Variants in PIEZO2 observed in about 807,000 individuals in gnomAD.
PIEZO2 encodes piezo type mechanosensitive ion channel component 2.
In PIEZO2, 172 loss-of-function variants were observed where a neutral mutation model predicts 337.3. The ratio of observed to expected loss-of-function variants is 0.51; its 90% CI spans 0.45 to 0.58. The LOEUF (loss-of-function observed/expected upper bound fraction) is 0.58. PIEZO2 is among the 20% of genes least tolerant of loss of function. PIEZO2 has a pLI of 0.00. For missense variants in PIEZO2, 3,028 were observed against 3,391.3 expected, an observed-to-expected ratio of 0.89 and a Z score of 2.66; for synonymous variants, 1,251 against 1,228.5, an observed-to-expected ratio of 1.02 and a Z score of -0.38.
chr18:10,986,513 C>A (rs1246979518), intron 2 of PIEZO2, among the ~76,000 whole-genome samples: 1 of 151,854 alleles, frequency 6.6e-6, no homozygotes, highest in Non-Finnish European at 1.5e-5. Context: ...AAGCATTTAG[C>A]AAAATTCAAC....
Position 10,682,187 on chromosome 18 carries a change from A to C in PIEZO2, c.7603T>G (p.Phe2535Val). Residue 2535 changes from phenylalanine (F) to valine (V), a missense_variant, in exon 50 of 56, where the codon TTC becomes GTC. Phe to Val is a conservative substitution (Grantham distance 50, BLOSUM62 -1). Transcript: ENST00000674853. The surrounding 1 kb of genome is among the most constrained non-coding windows in gnomAD (Gnocchi z 5.6). Reference sequence around the variant, plus strand: ...GCCACAGATTTGATCAAAGACATGAAGAGAAGAGGAAACCAGACAATGCAG... The same window carrying C: ...GCCACAGATTTGATCAAAGACATGACGAGAAGAGGAAACCAGACAATGCAG... ...LICIVWFPLL[F>V]MSLIKSVAGV... 1 of 1,537,200 alleles carries C rather than the reference A, an allele frequency of 6.5e-7. No homozygotes were observed. The highest frequency in any genetic ancestry group is 8.7e-7 in the Non-Finnish European group (1 of 1,146,902).
At chr18:11,141,552 C>A (rs1473586097) in intron 1 of PIEZO2, among the ~76,000 whole-genome samples, 1 of 152,018 alleles carries the variant, frequency 6.6e-6, no homozygotes, top group Non-Finnish European at 1.5e-5. Context: ...AACTTAAGGG[C>A]AAAACTTAGA....
chr18:10,827,403 A>G lies in PIEZO2; in HGVS notation c.918-20129T>C, dbSNP rs549068548. On this transcript the variant is annotated intron_variant, in intron 7 of 55. Coordinates refer to ENST00000674853, the MANE Select transcript of PIEZO2 (RefSeq NM_001378183.1). ...TTGATTAAAATCCTTTATAACAAAG[A>G]ACAGAACTAACACTTTTTAAATCAT... Among the ~76,000 whole-genome samples, 3 of 152,318 alleles carry G rather than the reference A, an allele frequency of 2.0e-5. No homozygotes were observed. In the East Asian group the frequency reaches 5.8e-4, roughly 29 times the overall value.
intron 49 of PIEZO2, among the ~76,000 whole-genome samples, chr18:10,687,402 G>A (rs542370366): frequency 3.9e-5 from 6 of 152,166 alleles, no homozygotes; most frequent in African/African-American, 1.4e-4. Context: ...TGTCCACTGA[G>A]CCATCAGTTC....
rs1044447770 is a variant in PIEZO2, at chr18:10,815,910, T to A, written c.918-8636A>T. Reference sequence around the variant, plus strand: ...CTCTTACAGTTCAGTTATTCGCTCCTTACAGGTCCACAAAATTGCACCCAG... The same window carrying A: ...CTCTTACAGTTCAGTTATTCGCTCCATACAGGTCCACAAAATTGCACCCAG... On this transcript the variant is annotated intron_variant, in intron 7 of 55. Coordinates refer to ENST00000674853, the MANE Select transcript of PIEZO2 (RefSeq NM_001378183.1). This position sits in a 1 kb window ranked among gnomAD's most constrained non-coding sequence, Gnocchi z 4.1. 6.6e-6 allele frequency among the ~76,000 whole-genome samples: 1 copy of A among 152,202 alleles called. No homozygotes were observed.
At chr18:11,098,799 T>A (rs935928456) in intron 1 of PIEZO2, among the ~76,000 whole-genome samples, 1 of 151,820 alleles carries the variant, frequency 6.6e-6, no homozygotes, top group African/African-American at 2.4e-5. Flanking sequence ...TTTGTTTATT[T>A]AAAAAAAATT....
chr18:11,105,016 T>C lies in PIEZO2; in HGVS notation c.65-38794A>G, dbSNP rs180992410. Among the ~76,000 whole-genome samples the C allele has an allele frequency of 1.2e-4, 19 of 152,302 alleles. No homozygotes were observed. The East Asian group carries it at 2.1e-3, about 17-fold the overall frequency. On this transcript the variant is annotated intron_variant, in intron 1 of 55. Coordinates refer to ENST00000674853, the MANE Select transcript of PIEZO2 (RefSeq NM_001378183.1). This position sits in a 1 kb window ranked among gnomAD's most constrained non-coding sequence, Gnocchi z 4.3. Reference sequence around the variant, plus strand: ...GAGATACTTTTGTCATGGGAATCACTAGCTCGAAGTCTGTTAGCCTAAAAT... The same window carrying C: ...GAGATACTTTTGTCATGGGAATCACCAGCTCGAAGTCTGTTAGCCTAAAAT...
At chr18:11,061,516 C>T (rs2037956163) in intron 2 of PIEZO2, among the ~76,000 whole-genome samples, 1 of 152,198 alleles carries the variant, frequency 6.6e-6, no homozygotes, top group African/African-American at 2.4e-5. Context: ...CGAATCGTCT[C>T]AGCCCACAAT....
chr18:11,081,801 C>T (rs1468719738), intron 1 of PIEZO2, among the ~76,000 whole-genome samples: 12 of 151,632 alleles, frequency 7.9e-5, no homozygotes, highest in Non-Finnish European at 1.3e-4. Context: ...GCTCTGTCGC[C>T]CAGGCTGGAG....
At chr18:10,911,774 A>AC (rs370961264) in intron 3 of PIEZO2, among the ~76,000 whole-genome samples, 197 of 150,368 alleles carry the variant, frequency 1.3e-3, no homozygotes, top group Non-Finnish European at 1.7e-3. Context: ...AAACAAAACA[A>AC]AACAACAACA....
chr18:10,760,267 T>C (rs1188290348), intron 24 of PIEZO2, among the ~76,000 whole-genome samples: 2 of 152,218 alleles, frequency 1.3e-5, no homozygotes, highest in Non-Finnish European at 1.5e-5. Flanking sequence ...CTGCAGCTTA[T>C]GGTTTCAGAA....
At chr18:11,076,774 T>C (rs1411686539) in intron 1 of PIEZO2, among the ~76,000 whole-genome samples, 1 of 152,202 alleles carries the variant, frequency 6.6e-6, no homozygotes, top group African/African-American at 2.4e-5. Flanking sequence ...ATATCAAATA[T>C]TAATAACAGT....
intron 3 of PIEZO2, among the ~76,000 whole-genome samples, chr18:10,915,414 T>C (rs1290981223): frequency 2.0e-5 from 3 of 151,480 alleles, no homozygotes; most frequent in South Asian, 4.2e-4. Context: ...CTCTGATACC[T>C]GTATCTCAAA....
intron 49 of PIEZO2, 53 bp downstream of exon 49, chr18:10,689,602 G>C: frequency 6.2e-7 from 1 of 1,610,402 alleles, no homozygotes; most frequent in Non-Finnish European, 8.5e-7. Context: ...CTTATAACCA[G>C]CCTGTATCTA....
chr18:11,036,002 C>T (rs2036914465), intron 2 of PIEZO2, among the ~76,000 whole-genome samples: 1 of 152,196 alleles, frequency 6.6e-6, no homozygotes, highest in Non-Finnish European at 1.5e-5. Context: ...CTTGGAGTCA[C>T]CTGGGATCTG....
At chr18:10,765,938 C>T (rs758884193) in intron 21 of PIEZO2, among the ~76,000 whole-genome samples, 1 of 152,096 alleles carries the variant, frequency 6.6e-6, no homozygotes, top group Admixed American at 6.5e-5. Context: ...GAAAGGAGAG[C>T]TTCAATGACA....
chr18:11,113,630 C>A (rs1170738430), intron 1 of PIEZO2, among the ~76,000 whole-genome samples: 1 of 152,196 alleles, frequency 6.6e-6, no homozygotes, highest in Admixed American at 6.5e-5. Context: ...ATACCCTTAC[C>A]TCTACCACAA....
intron 49 of PIEZO2, among the ~76,000 whole-genome samples, chr18:10,688,132 T>C (rs2034633963): frequency 6.6e-6 from 1 of 152,098 alleles, no homozygotes; most frequent in Admixed American, 6.6e-5. Flanking sequence ...CGTTAGGTAT[T>C]TGTCCTAATA....
rs527898069 is a variant in PIEZO2 at position 10,993,861 on chromosome 18, A to T, written c.161-14201T>A. On this transcript the variant is annotated intron_variant, in intron 2 of 55. Transcript: ENST00000674853. This position sits in a 1 kb window ranked among gnomAD's most constrained non-coding sequence, Gnocchi z 5.0. ...CTTTTTTTTTATTATTAATTTTAAA[A>T]TTTTTCATTTCCATAGGTTTTGGGG... is the stretch of plus-strand genomic sequence containing the variant. 1.1e-4 allele frequency among the ~76,000 whole-genome samples: 17 copies of T among 151,938 alleles called. No homozygotes were observed. In the South Asian group the frequency reaches 2.5e-3, roughly 22 times the overall value.
Sources: gnomAD v4.1 joint callset for allele counts (sites outside exome capture counted in the v4.1 genomes callset) on GRCh38, gnomAD v4.1.1 for gene constraint, Gnocchi (gnomAD v3.1) non-coding constraint, MANE v1.5 for transcripts, NCBI Gene and HGNC (gene_info 2026-07-23, HGNC 2026-07-21) for gene names.